TULP4: variants seen among roughly 807,000 people sequenced by gnomAD.
The protein encoded by TULP4 is TUB like protein 4, also known as tubby-related protein 4.
In TULP4, 16 loss-of-function variants were observed where a neutral mutation model predicts 129.0. The observed-to-expected ratio is 0.12, with a 90% CI of 0.08 to 0.19. TULP4 has a LOEUF of 0.19. TULP4 is among the 10% of genes least tolerant of loss of function. The pLI, the probability that TULP4 is intolerant of heterozygous loss-of-function variation, is 1.00. For missense variants in TULP4, 1,842 were observed against 2,059.1 expected, an observed-to-expected ratio of 0.89 and a Z score of 2.04; for synonymous variants, 998 against 854.0, an observed-to-expected ratio of 1.17 and a Z score of -2.94.
chr6:158,454,614 T>C (rs1385649574), intron 5 of TULP4, among the ~76,000 whole-genome samples: 1 of 151,996 alleles, frequency 6.6e-6, no homozygotes, highest in Non-Finnish European at 1.5e-5. Context: ...CTCTCTTTTT[T>C]TTTTTTTTGA....
chr6:158,243,801 G>T (rs571884050), intron 1 of TULP4, among the ~76,000 whole-genome samples: 3 of 150,670 alleles, frequency 2.0e-5, no homozygotes, highest in South Asian at 2.1e-4. Context: ...GTTCAGGAGG[G>T]ATTACAATAT....
chr6:158,311,744 C>T (rs548196316), upstream of TULP4, among the ~76,000 whole-genome samples: 2 of 152,320 alleles, frequency 1.3e-5, no homozygotes, highest in Non-Finnish European at 2.9e-5. Flanking sequence ...GGAGTTCAGT[C>T]TCTTAGAAAG....
rs780166554 is a variant in TULP4 at position 158,502,285 on chromosome 6, C to A, written c.2622C>A (p.Pro874=). 1.1e-5 allele frequency: 17 copies of A among 1,612,834 alleles called. No individual in the cohort carries two copies. In the Admixed American group the frequency reaches 2.7e-4, roughly 25 times the overall value. ...CLKKGDFSLY[P]TSVHYQTPLG... ...AGAAGGGCGACTTCTCCCTCTACCC[C>A]ACGTCAGTGCACTACCAGACCCCCC... Residue 874 remains proline (P), a synonymous_variant, in exon 13 of 14, where the codon CCC becomes CCA. Transcript: ENST00000367097.
chr6:158,298,674 G>T (rs984291386), intron 1 of TULP4, among the ~76,000 whole-genome samples: 1 of 152,170 alleles, frequency 6.6e-6, no homozygotes, highest in Non-Finnish European at 1.5e-5. Flanking sequence ...CAGTTTGATT[G>T]TTCGTCCAAA....
intron 2 of TULP4, among the ~76,000 whole-genome samples, chr6:158,423,674 C>T (rs939851340): frequency 6.6e-6 from 1 of 151,480 alleles, no homozygotes; most frequent in Non-Finnish European, 1.5e-5. Context: ...GGAGTCTCAC[C>T]CTGCCACGCA....
intron 1 of TULP4, among the ~76,000 whole-genome samples, chr6:158,321,341 C>A (rs1448899729): frequency 1.3e-5 from 2 of 152,102 alleles, no homozygotes; most frequent in African/African-American, 2.4e-5. Context: ...GGGCACCAGG[C>A]ATGCATATTT....
At chr6:158,308,119 T>C (rs1358860550), upstream of TULP4, among the ~76,000 whole-genome samples, 1 of 121,336 alleles carries the variant, frequency 8.2e-6, no homozygotes, top group Non-Finnish European at 1.8e-5. Flanking sequence ...AACAAAGGTC[T>C]CTGGTTTTCC....
chr6:158,402,255 C>G (rs1777868826), intron 1 of TULP4, among the ~76,000 whole-genome samples: 1 of 152,146 alleles, frequency 6.6e-6, no homozygotes, highest in Non-Finnish European at 1.5e-5. Context: ...CCACCCCTTC[C>G]CCACCCCTCA....
intron 1 of TULP4, among the ~76,000 whole-genome samples, chr6:158,334,920 AGACACCATCTCTGCT>A (rs1441528203): frequency 6.6e-6 from 1 of 152,202 alleles, no homozygotes; most frequent in Non-Finnish European, 1.5e-5. Flanking sequence ...GGCCTTCACC[AGACACCATCTCTGCT>A]GACACCTTGA....
rs1479423174 is a variant in TULP4 at position 158,413,279 on chromosome 6, C to T, written c.381+86C>T. On this transcript the variant is annotated intron_variant, in intron 2 of 13. Transcript: ENST00000367097. This position sits in a 1 kb window ranked among gnomAD's most constrained non-coding sequence, Gnocchi z 4.9. ...CATTCCGGAGCCAGTGCGTTAGCAC[C>T]ACACAGCGCCACGTGCTCCAGAGCT... 2.1e-6 allele frequency: 3 copies of T among 1,428,560 alleles called. No individual in the cohort carries two copies. The highest frequency in any genetic ancestry group is 2.8e-6 in the Non-Finnish European group (3 of 1,067,882). The allele number at this position is 1,428,560 out of a possible 1,614,324, so 88.5% of individuals were successfully genotyped here.
chr6:158,410,195 C>T (rs1420336312), intron 1 of TULP4, among the ~76,000 whole-genome samples: 1 of 152,204 alleles, frequency 6.6e-6, no homozygotes, highest in Admixed American at 6.5e-5. Flanking sequence ...AGTCTGTGAA[C>T]ATTTCGTTTA....
intron 1 of TULP4, among the ~76,000 whole-genome samples, chr6:158,370,314 G>A (rs917506521): frequency 5.3e-5 from 8 of 151,778 alleles, no homozygotes; most frequent in Non-Finnish European, 7.4e-5. Context: ...AAAATTAGAC[G>A]GGTGTGGTGG....
At chr6:158,392,794 C>CTTTTTTTCTTTTTTTTT (rs1777615414) in intron 1 of TULP4, among the ~76,000 whole-genome samples, 1 of 54,642 alleles carries the variant, frequency 1.8e-5, no homozygotes, top group African/African-American at 8.7e-5. Context: ...ATTTGTATTT[C>CTTTTTTTCTTTTTTTTT]TTTTTTTTTT....
At chr6:158,431,326 T>A (rs1337252262) in intron 3 of TULP4, among the ~76,000 whole-genome samples, 1 of 152,200 alleles carries the variant, frequency 6.6e-6, no homozygotes, top group Non-Finnish European at 1.5e-5. Context: ...AAGGAACAGA[T>A]GTGAAAGCCC....
At chr6:158,331,362 T>C (rs546583091) in intron 1 of TULP4, among the ~76,000 whole-genome samples, 1 of 152,244 alleles carries the variant, frequency 6.6e-6, no homozygotes, top group South Asian at 2.1e-4. Context: ...TTTCCACTTT[T>C]TTCTTCAATG....
intron 1 of TULP4, among the ~76,000 whole-genome samples, chr6:158,319,403 A>G (rs1188148965): frequency 9.8e-6 from 1 of 102,110 alleles, no homozygotes; most frequent in African/African-American, 3.4e-5. Context: ...GCTGACATTT[A>G]ACTCATCTCT....
chr6:158,256,971 C>T (rs1022788852), intron 1 of TULP4, among the ~76,000 whole-genome samples: 7 of 152,074 alleles, frequency 4.6e-5, no homozygotes, highest in African/African-American at 1.7e-4. Flanking sequence ...TCCTGAGCTG[C>T]CATCTGTTTG....
chr6:158,250,509 C>G (rs1429719183), intron 1 of TULP4, among the ~76,000 whole-genome samples: 1 of 152,152 alleles, frequency 6.6e-6, no homozygotes, highest in Non-Finnish European at 1.5e-5. Flanking sequence ...TTATGAGGTG[C>G]TTTGGAATCA....
chr6:158,501,799 C>T lies in TULP4; in HGVS notation c.2136C>T (p.Ser712=), dbSNP rs764055651. 39 of 1,614,026 alleles carry T rather than the reference C, an allele frequency of 2.4e-5. No homozygotes were observed. Among genetic ancestry groups the T allele is most frequent in the Non-Finnish European group, 2.8e-5 (33 of 1,180,026 alleles). Residue 712 remains serine (S), a synonymous_variant, in exon 13 of 14, where the codon TCC becomes TCT. Transcript: ENST00000367097. ...SPTQSIGLVQ[S]LLANQNVQLD... ...CGCAGAGCATAGGGCTGGTGCAGTC[C>T]CTACTGGCCAATCAGAATGTGCAGC...
Sources: gnomAD v4.1 joint callset for allele counts (sites outside exome capture counted in the v4.1 genomes callset) on GRCh38, gnomAD v4.1.1 for gene constraint, Gnocchi (gnomAD v3.1) non-coding constraint, MANE v1.5 for transcripts, NCBI Gene and HGNC (gene_info 2026-07-23, HGNC 2026-07-21) for gene names.